Variants in ZC3H7B observed in about 807,000 individuals in gnomAD.
ZC3H7B encodes the protein zinc finger CCCH-type containing 7B.
Under a neutral mutation model 116.0 loss-of-function variants are expected in ZC3H7B, and 35 were observed. That is an observed-to-expected ratio of 0.30 (90% CI 0.23 to 0.40). The LOEUF is 0.40. Among genes scored for constraint, ZC3H7B ranks in the 10% least tolerant of loss-of-function variants. The probability of loss-of-function intolerance (pLI) is 1.00; values close to 1 mark genes in which losing one functional copy is unlikely to be tolerated. For missense variants in ZC3H7B, 1,011 were observed against 1,321.5 expected, an observed-to-expected ratio of 0.77 and a Z score of 3.64; for synonymous variants, 502 against 545.6, an observed-to-expected ratio of 0.92 and a Z score of 1.11.
At chr22:41,311,106 G>T (rs915751758) in intron 1 of ZC3H7B, among the ~76,000 whole-genome samples, 1 of 148,186 alleles carries the variant, frequency 6.7e-6, no homozygotes, top group African/African-American at 2.5e-5. Context: ...ATTCATTCGC[G>T]TGTATATGTG....
intron 1 of ZC3H7B, among the ~76,000 whole-genome samples, chr22:41,310,320 G>A (rs1297715352): frequency 1.3e-5 from 2 of 152,208 alleles, no homozygotes; most frequent in Admixed American, 1.3e-4. Context: ...AGGCACACCA[G>A]GTGGAGCTGC....
At chr22:41,323,694 ACGTGTGCTT>A (rs1203732084) in intron 2 of ZC3H7B, among the ~76,000 whole-genome samples, 2 of 152,196 alleles carry the variant, frequency 1.3e-5, no homozygotes, top group Non-Finnish European at 2.9e-5. Context: ...GTGTTGGTGC[ACGTGTGCTT>A]CATGTGCTTA....
Position 41,349,085 on chromosome 22 carries a change from C to G in ZC3H7B, c.1767-35C>G. On this transcript the variant is annotated intron_variant, in intron 15 of 22. Coordinates refer to ENST00000352645, the MANE Select transcript of ZC3H7B (RefSeq NM_017590.6). The surrounding 1 kb of genome is among the most constrained non-coding windows in gnomAD (Gnocchi z 4.9). ...GAGAGAAGGTCAGAGGGGCTGCGGACTGCATCGTGCCCCTCCTGCCTGCCC... is the reference window on the plus strand; with the variant it reads ...GAGAGAAGGTCAGAGGGGCTGCGGAGTGCATCGTGCCCCTCCTGCCTGCCC... The G allele has an allele frequency of 6.2e-7, 1 of 1,608,360 alleles. No homozygotes were observed. Among genetic ancestry groups the G allele is most frequent in the South Asian group, 1.1e-5 (1 of 90,526 alleles).
At position 41,357,256 on chromosome 22, in the gene ZC3H7B, G is replaced by T; in HGVS notation, c.2761G>T (p.Asp921Tyr). The change falls in exon 23 of 23, where the codon GAC becomes TAC. Residue 921 changes from aspartate to tyrosine, a missense_variant. This residue lies in a region of ZC3H7B where 406 missense variants were observed against 590.2 expected (regional missense o/e 0.69). Transcript: ENST00000352645. The surrounding 1 kb of genome is among the most constrained non-coding windows in gnomAD (Gnocchi z 5.4). ...HGQEELNEWL[D>Y]RREVLKQKLA... ...ACAGGAGGAGCTCAACGAGTGGCTG[G>T]ACCGGCGCGAGGTGCTGAAGCAGAA... is the stretch of plus-strand genomic sequence containing the variant. 1 of 1,613,774 alleles carries T rather than the reference G, an allele frequency of 6.2e-7. No individual in the cohort carries two copies. The highest frequency in any genetic ancestry group is 8.5e-7 in the Non-Finnish European group (1 of 1,179,992).
chr22:41,339,233 C>T (rs769213200), intron 9 of ZC3H7B, 42 bp downstream of exon 9: 3 of 1,556,940 alleles, frequency 1.9e-6, no homozygotes, highest in Middle Eastern at 1.7e-4. Flanking sequence ...GATCCCCTCT[C>T]CCCGCTGTGT....
At chr22:41,303,797 G>T (rs192599740) in intron 1 of ZC3H7B, among the ~76,000 whole-genome samples, 7 of 152,058 alleles carry the variant, frequency 4.6e-5, no homozygotes, top group Admixed American at 2.0e-4. Context: ...TCGCTCTGTC[G>T]CCCAGGCTGG....
intron 20 of ZC3H7B, 127 bp downstream of exon 20, chr22:41,356,189 C>T: frequency 6.8e-7 from 1 of 1,466,220 alleles, no homozygotes; most frequent in East Asian, 2.3e-5. Context: ...CTCCACCTGC[C>T]CCATGCCGGG....
In ZC3H7B at chr22:41,356,796, G is replaced by A. The variant is rs372991434; in HGVS notation, c.2669G>A (p.Arg890Gln). The A allele has an allele frequency of 1.7e-5, 27 of 1,613,302 alleles. No individual in the cohort carries two copies. Among genetic ancestry groups the A allele is most frequent in the East Asian group, 6.7e-5 (3 of 44,890 alleles). Reference sequence around the variant, plus strand: ...TTCCGCTTCCCCATGGGCGAGTTCCGGCTCTGCGACAGGTGCTCCTGGGAG... The same window carrying A: ...TTCCGCTTCCCCATGGGCGAGTTCCAGCTCTGCGACAGGTGCTCCTGGGAG... ...WAFRFPMGEF[R>Q]LCDRLQKGKA... is the part of the protein sequence containing the mutation. Residue 890 changes from arginine (R) to glutamine (Q), a missense_variant, in exon 22 of 23, where the codon CGG becomes CAG. Arg to Gln is a conservative substitution (Grantham distance 43, BLOSUM62 1). Coordinates refer to ENST00000352645, the MANE Select transcript of ZC3H7B (RefSeq NM_017590.6).
In ZC3H7B at chr22:41,343,439, A is replaced by C; in HGVS notation, c.1322A>C (p.Tyr441Ser). The C allele has an allele frequency of 6.2e-7, 1 of 1,613,346 alleles. No homozygotes were observed. Among genetic ancestry groups the C allele is most frequent in the South Asian group, 1.1e-5 (1 of 91,022 alleles). Residue 441 changes from tyrosine (Y) to serine (S), a missense_variant, in exon 13 of 23, where the codon TAC becomes TCC. By Grantham distance (144) the Tyr-to-Ser change is moderately radical (BLOSUM62 -2). Coordinates refer to ENST00000352645, the MANE Select transcript of ZC3H7B (RefSeq NM_017590.6). ...GGCCCCCGGGCTGGCGACTACACCT[A>C]CCGTGAGGGCCTTGAGCACAAGTGC... ...KTGPRAGDYT[Y>S]REGLEHKCKR... is the part of the protein sequence containing the mutation.
At position 41,320,690 on chromosome 22, in the gene ZC3H7B, C is replaced by T. The variant is rs752066519; in HGVS notation, c.30C>T (p.Ile10=). The part of the protein sequence containing the change: MERQKRKAD[I]EKGLQFIQST... ...AGAGGCAGAAACGGAAGGCGGACAT[C>T]GAGAAAGGGCTGCAGTTCATTCAGT... The change falls in exon 2 of 23, where the codon ATC becomes ATT. Residue 10 remains isoleucine, a synonymous_variant. Transcript: ENST00000352645. 6.8e-6 allele frequency: 11 copies of T among 1,613,466 alleles called. No homozygotes were observed. Among genetic ancestry groups the T allele is most frequent in the East Asian group, 2.2e-5 (1 of 44,860 alleles).
intron 1 of ZC3H7B, among the ~76,000 whole-genome samples, chr22:41,304,784 C>T (rs1332017315): frequency 6.6e-6 from 1 of 152,150 alleles, no homozygotes; most frequent in Admixed American, 6.6e-5. Flanking sequence ...GAGGGGTGGG[C>T]ATTATAATCT....
intron 14 of ZC3H7B, among the ~76,000 whole-genome samples, chr22:41,347,497 C>G (rs1249835550): frequency 6.6e-6 from 1 of 152,206 alleles, no homozygotes; most frequent in Non-Finnish European, 1.5e-5. Flanking sequence ...CTGAAGACCC[C>G]GCTTGGCCTC....
rs151268082 is a variant in ZC3H7B at position 41,343,078 on chromosome 22, C to A, written c.1298-337C>A. On this transcript the variant is annotated intron_variant, in intron 12 of 22. Transcript: ENST00000352645. ...GTCCCAGCTACTCGGGAGGCTGAGG[C>A]AGGAGAATTGCTTGAACCCGGAAGG... Among the ~76,000 whole-genome samples the A allele has an allele frequency of 5.7e-4, 87 of 152,268 alleles. No individual in the cohort carries two copies. In the East Asian group the frequency reaches 0.016, roughly 27 times the overall value.
Position 41,346,147 on chromosome 22 carries a change from G to A in ZC3H7B, c.1604G>A (p.Gly535Asp). 1 of 1,612,808 alleles carries A rather than the reference G, an allele frequency of 6.2e-7. No homozygotes were observed. Among genetic ancestry groups the A allele is most frequent in the Non-Finnish European group, 8.5e-7 (1 of 1,179,980 alleles). ...GACCCGCTGGGGGGTGTTAAGCGCG[G>A]CAGCCTCACCATCGCCAAGCTCCTG... ...LFDPLGGVKR[G>D]SLTIAKLLKE... The change falls in exon 14 of 23, where the codon GGC becomes GAC. Residue 535 changes from glycine to aspartate, a missense_variant. Gly to Asp is a moderately conservative substitution (Grantham distance 94). Coordinates refer to ENST00000352645, the MANE Select transcript of ZC3H7B (RefSeq NM_017590.6). This position sits in a 1 kb window ranked among gnomAD's most constrained non-coding sequence, Gnocchi z 5.3.
chr22:41,332,313 G>GC (rs1293609924), intron 7 of ZC3H7B, 86 bp downstream of exon 7: 1 of 1,547,704 alleles, frequency 6.5e-7, no homozygotes, highest in Non-Finnish European at 8.9e-7. Context: ...ATGACCTCAG[G>GC]CAGTGGGTCC....
At chr22:41,319,842 A>C (rs759360964) in intron 1 of ZC3H7B, among the ~76,000 whole-genome samples, 1 of 151,606 alleles carries the variant, frequency 6.6e-6, no homozygotes, top group Non-Finnish European at 1.5e-5. Context: ...CAGCCTGGCC[A>C]ACATAATGAA....
Position 41,355,752 on chromosome 22 carries a change from T to C in ZC3H7B, c.2169-5T>C. The C allele has an allele frequency of 6.2e-7, 1 of 1,613,970 alleles. No homozygotes were observed. The highest frequency in any genetic ancestry group is 1.1e-5 in the South Asian group (1 of 91,080). ...ACCTCTCCCCAACCCTGCTCTGTCC[T>C]GCAGCTGGACCAAGGAGCGGCGGGT... On this transcript the variant is annotated splice_polypyrimidine_tract_variant and splice_region_variant and intron_variant, in intron 18 of 22. Transcript: ENST00000352645.
At chr22:41,309,852 G>A (rs2036094866) in intron 1 of ZC3H7B, among the ~76,000 whole-genome samples, 2 of 152,074 alleles carry the variant, frequency 1.3e-5, no homozygotes, top group Non-Finnish European at 2.9e-5. Flanking sequence ...ATAGTAGGAG[G>A]TTGGCCACAG....
chr22:41,314,479 G>T (rs1281297362), intron 1 of ZC3H7B, among the ~76,000 whole-genome samples: 4 of 151,838 alleles, frequency 2.6e-5, no homozygotes, highest in Non-Finnish European at 5.9e-5. Context: ...TTGGGATAAG[G>T]GTCTCACTGT....
Sources: gnomAD v4.1 joint callset for allele counts (sites outside exome capture counted in the v4.1 genomes callset) on GRCh38, gnomAD v4.1.1 for gene constraint, gnomAD v4.1.1 regional missense constraint, Gnocchi (gnomAD v3.1) non-coding constraint, MANE v1.5 for transcripts, NCBI Gene and HGNC (gene_info 2026-07-23, HGNC 2026-07-21) for gene names.